The following STAG1 variants were observed in gnomAD, a reference collection of about 807,000 sequenced individuals.
STAG1 encodes the protein STAG1 cohesin complex component, also known as cohesin subunit SA-1.
STAG1 carries 26 observed loss-of-function variants against 170.9 expected under a neutral mutation model. The observed-to-expected ratio is 0.15, with a 90% CI of 0.11 to 0.21. The LOEUF is 0.21. STAG1 is among the 10% of genes least tolerant of loss of function. The probability of loss-of-function intolerance (pLI) is 1.00; values close to 1 mark genes in which losing one functional copy is unlikely to be tolerated. For synonymous variants in STAG1, 514 were observed against 497.7 expected (o/e 1.03, Z -0.44); for missense variants, 964 against 1,509.5 (o/e 0.64, Z 5.99).
chr3:136,624,559 TCTC>T (rs1470916502), intron 2 of STAG1, among the ~76,000 whole-genome samples: 40 of 152,358 alleles, frequency 2.6e-4, no homozygotes, highest in Admixed American at 2.0e-3. Context: ...GTGAGCAACT[TCTC>T]TGCTGACTCA....
chr3:136,443,492 A>C (rs918356660), intron 14 of STAG1, 88 bp from the exon 15 acceptor site: 4 of 926,496 alleles, frequency 4.3e-6, no homozygotes, highest in Non-Finnish European at 6.6e-6. Context: ...TTTTCTTCAT[A>C]ATTAAAATGG....
chr3:136,690,339 T>C (rs1339442956), intron 1 of STAG1, among the ~76,000 whole-genome samples: 1 of 152,128 alleles, frequency 6.6e-6, no homozygotes, highest in Non-Finnish European at 1.5e-5. Context: ...CGTGCTCAAG[T>C]GATTCTCCTG....
intron 6 of STAG1, among the ~76,000 whole-genome samples, chr3:136,532,518 G>A (rs187785670): frequency 6.6e-6 from 1 of 152,128 alleles, no homozygotes; most frequent in East Asian, 1.9e-4. Context: ...TTTCTTGGGT[G>A]GGAGACTTTT....
rs540909192 is a variant in STAG1 at position 136,425,613 on chromosome 3, A to C, written c.1651-2569T>G. ...GTTTGGGAAAAAAACTCATAAATTC[A>C]AAGAGGTAAAAACTCTATTAGGCTA... On this transcript the variant is annotated intron_variant, in intron 16 of 33. Coordinates refer to ENST00000383202, the MANE Select transcript of STAG1 (RefSeq NM_005862.3). Among the ~76,000 whole-genome samples the C allele has an allele frequency of 6.6e-4, 100 of 151,844 alleles. 1 individual carries two copies. The South Asian group carries it at 0.02, about 31-fold the overall frequency.
chr3:136,676,750 T>TA (rs1559944994), intron 1 of STAG1, among the ~76,000 whole-genome samples: 1 of 150,248 alleles, frequency 6.7e-6, no homozygotes, highest in Non-Finnish European at 1.5e-5. Context: ...TTGTTTGTTT[T>TA]ACATCCTTGT....
At chr3:136,362,614 AAAAAAAAAG>A (rs1456297103) in intron 26 of STAG1, among the ~76,000 whole-genome samples, 12 of 150,162 alleles carry the variant, frequency 8.0e-5, no homozygotes, top group Non-Finnish European at 1.2e-4. Flanking sequence ...GCAAAAAAAA[AAAAAAAAAG>A]AAAAAAAAAG....
rs145145175 is a variant in STAG1, at chr3:136,338,316, C to T, written c.3754-39G>A. ...GAGAAACATAATTATTAATTTCATG[C>T]ATAAACAGGACCCAGGAACCATAAA... On this transcript the variant is annotated intron_variant, in intron 33 of 33. Coordinates refer to ENST00000383202, the MANE Select transcript of STAG1 (RefSeq NM_005862.3). The T allele has an allele frequency of 1.2e-3, 1,886 of 1,584,774 alleles. 25 individuals carry two copies. In the African/African-American group the frequency reaches 0.023, roughly 19 times the overall value.
At chr3:136,371,778 G>A (rs1251563472) in intron 23 of STAG1, among the ~76,000 whole-genome samples, 2 of 152,176 alleles carry the variant, frequency 1.3e-5, no homozygotes, top group Non-Finnish European at 2.9e-5. Context: ...ATAGTTTGAA[G>A]TCAGGTAGCA....
At position 136,608,453 on chromosome 3, in the gene STAG1, C is replaced by T. The variant is rs192555651; in HGVS notation, c.133-3980G>A. ...GGCTAAAGTGGGATAATCGATTGAG[C>T]CGGGGAGGCAGAGTCTGCAGTGAGC... On this transcript the variant is annotated intron_variant, in intron 3 of 33. Transcript: ENST00000383202. Among the ~76,000 whole-genome samples the T allele has an allele frequency of 6.7e-5, 10 of 149,916 alleles. No homozygotes were observed. The East Asian group carries it at 2.0e-3, about 29-fold the overall frequency.
chr3:136,343,186 T>G (rs1315431893), intron 30 of STAG1, among the ~76,000 whole-genome samples: 1 of 152,176 alleles, frequency 6.6e-6, no homozygotes, highest in African/African-American at 2.4e-5. Flanking sequence ...CTCAAAGAAT[T>G]TCAAAGTTGG....
intron 7 of STAG1, among the ~76,000 whole-genome samples, chr3:136,508,415 T>C (rs1933877643): frequency 1.3e-5 from 2 of 152,130 alleles, no homozygotes; most frequent in African/African-American, 4.8e-5. Flanking sequence ...AGGCTGAGCA[T>C]GATGGCTCAC....
chr3:136,525,336 G>T (rs1000176239), intron 6 of STAG1, among the ~76,000 whole-genome samples: 1 of 152,140 alleles, frequency 6.6e-6, no homozygotes, highest in African/African-American at 2.4e-5. Flanking sequence ...GGGTGTATGT[G>T]TCCAGGAATT....
intron 1 of STAG1, among the ~76,000 whole-genome samples, chr3:136,668,668 C>G (rs907070860): frequency 6.6e-6 from 1 of 151,976 alleles, no homozygotes; most frequent in African/African-American, 2.4e-5. Flanking sequence ...TCTGCCAGCC[C>G]AGCAGAGAAC....
chr3:136,405,855 A>G (rs2087469495), intron 21 of STAG1, among the ~76,000 whole-genome samples: 1 of 151,252 alleles, frequency 6.6e-6, no homozygotes, highest in Non-Finnish European at 1.5e-5. Flanking sequence ...AGATACCACT[A>G]TATACTTAGA....
intron 22 of STAG1, among the ~76,000 whole-genome samples, chr3:136,380,782 G>C (rs978939967): frequency 6.6e-6 from 1 of 151,870 alleles, no homozygotes; most frequent in Non-Finnish European, 1.5e-5. Context: ...CACTTTGGGA[G>C]GCTGAGGTTG....
chr3:136,607,608 G>T (rs1939029503), intron 3 of STAG1, among the ~76,000 whole-genome samples: 1 of 152,056 alleles, frequency 6.6e-6, no homozygotes, highest in Admixed American at 6.6e-5. Flanking sequence ...TCACCATGTT[G>T]GCCAGGCTGG....
At chr3:136,363,172 C>T (rs1369397359) in intron 26 of STAG1, among the ~76,000 whole-genome samples, 194 bp downstream of exon 26, 1 of 152,024 alleles carries the variant, frequency 6.6e-6, no homozygotes, top group East Asian at 1.9e-4. Flanking sequence ...GAAATATGAA[C>T]TCTAGGATTT....
chr3:136,571,349 A>G (rs890146793), intron 4 of STAG1, among the ~76,000 whole-genome samples: 6 of 152,172 alleles, frequency 3.9e-5, no homozygotes, highest in Non-Finnish European at 8.8e-5. Context: ...TGGGCAGACG[A>G]CTTGAGCACA....
chr3:136,656,836 A>G (rs1048929360), intron 1 of STAG1, among the ~76,000 whole-genome samples: 2 of 152,172 alleles, frequency 1.3e-5, no homozygotes, highest in African/African-American at 4.8e-5. Context: ...AAAAAATGTA[A>G]AAGCTCTTCC....
Sources: allele counts gnomAD v4.1 joint callset (sites outside exome capture counted in the v4.1 genomes callset), GRCh38; gene constraint gnomAD v4.1.1; transcripts MANE v1.5; gene names NCBI Gene and HGNC (gene_info 2026-07-23, HGNC 2026-07-21).